GPHN: variants seen among roughly 807,000 people sequenced by gnomAD.
GPHN encodes the protein gephyrin.
A neutral mutation model predicts 95.5 loss-of-function variants in GPHN; 17 were observed. The observed-to-expected ratio is 0.18, with a 90% CI of 0.12 to 0.27. The LOEUF (loss-of-function observed/expected upper bound fraction) is 0.27, where lower values mean the gene tolerates loss of function less well. GPHN is among the 10% of genes least tolerant of loss of function. The probability of loss-of-function intolerance (pLI) is 1.00; values close to 1 mark genes in which losing one functional copy is unlikely to be tolerated. For missense variants in GPHN, 660 were observed against 978.1 expected, an observed-to-expected ratio of 0.67 and a Z score of 4.34; for synonymous variants, 320 against 322.5, an observed-to-expected ratio of 0.99 and a Z score of 0.08.
chr14:66,978,924 A>G (rs1039376350), intron 9 of GPHN, among the ~76,000 whole-genome samples: 1 of 152,242 alleles, frequency 6.6e-6, no homozygotes, highest in African/African-American at 2.4e-5. Context: ...ATTAGCAGGC[A>G]TGAAAACATT....
the GPHN span, among the ~76,000 whole-genome samples, chr14:67,494,356 A>G: frequency 6.6e-6 from 1 of 152,194 alleles, no homozygotes; most frequent in Non-Finnish European, 1.5e-5. Flanking sequence ...GAATTTAGAA[A>G]TGAGACCCAA....
chr14:67,506,837 A>G, the GPHN span, among the ~76,000 whole-genome samples: 1 of 152,158 alleles, frequency 6.6e-6, no homozygotes, highest in African/African-American at 2.4e-5. Context: ...TACAAAACTT[A>G]GCTGGGGGTG....
At chr14:67,635,932 A>C in the GPHN span, among the ~76,000 whole-genome samples, 1 of 152,130 alleles carries the variant, frequency 6.6e-6, no homozygotes, top group African/African-American at 2.4e-5. Flanking sequence ...AAAATATTTG[A>C]GTCTGTAACT....
At chr14:67,640,592 C>T in the GPHN span, among the ~76,000 whole-genome samples, 7 of 152,294 alleles carry the variant, frequency 4.6e-5, no homozygotes, top group South Asian at 4.1e-4. Flanking sequence ...TTAATCCGAA[C>T]CTTTAACACA....
chr14:66,652,851 G>A (rs989252078), intron 1 of GPHN, among the ~76,000 whole-genome samples: 5 of 152,092 alleles, frequency 3.3e-5, no homozygotes, highest in African/African-American at 7.2e-5. Context: ...AGGTAGAGCC[G>A]CTCAGAGCTA....
chr14:67,632,341 C>T, the GPHN span, among the ~76,000 whole-genome samples: 1 of 152,156 alleles, frequency 6.6e-6, no homozygotes, highest in Non-Finnish European at 1.5e-5. Context: ...TATCCATAAG[C>T]CAGCATCATC....
chr14:67,191,311 A>T, the GPHN span, among the ~76,000 whole-genome samples: 2 of 152,260 alleles, frequency 1.3e-5, no homozygotes, highest in African/African-American at 4.8e-5. Flanking sequence ...TGGTTTCACT[A>T]TAGAAATCTT....
chr14:66,612,359 C>T (rs1320580005), intron 1 of GPHN, among the ~76,000 whole-genome samples: 1 of 151,810 alleles, frequency 6.6e-6, no homozygotes, highest in Non-Finnish European at 1.5e-5. Context: ...CTCATCTCTC[C>T]TTCCCTCCCA....
the GPHN span, chr14:67,387,321 G>A: frequency 6.2e-7 from 1 of 1,608,490 alleles, no homozygotes; most frequent in African/African-American, 1.3e-5. Context: ...GGTTCCCTCA[G>A]GTCCTTGTCA....
intron 19 of GPHN, among the ~76,000 whole-genome samples, chr14:67,164,270 CAAAAAA>C (rs780524695): frequency 4.7e-4 from 22 of 46,640 alleles, no homozygotes; most frequent in East Asian, 3.0e-3. Flanking sequence ...ACTCCATCTC[CAAAAAA>C]AAAAAAAAAA....
At chr14:66,968,407 C>T (rs1021993695) in intron 9 of GPHN, among the ~76,000 whole-genome samples, 2 of 152,008 alleles carry the variant, frequency 1.3e-5, no homozygotes, top group Admixed American at 1.3e-4. Context: ...CTTATTTTTA[C>T]TGCATCTTGG....
chr14:66,825,201 T>C (rs2061346616), intron 4 of GPHN, among the ~76,000 whole-genome samples: 1 of 152,090 alleles, frequency 6.6e-6, no homozygotes, highest in African/African-American at 2.4e-5. Flanking sequence ...ATTTTTTCTT[T>C]AAGGAAGCCA....
chr14:66,718,178 G>A lies in GPHN; in HGVS notation c.143+36993G>A, dbSNP rs556225480. On this transcript the variant is annotated intron_variant, in intron 2 of 22. Transcript: ENST00000478722. ...CACTGACTTCAAGAATGAAGCTGTG[G>A]ACCCTCGCAGTGAGTGTTACAGTTC... 3.3e-5 allele frequency among the ~76,000 whole-genome samples: 5 copies of A among 152,266 alleles called. No homozygotes were observed. The East Asian group carries it at 9.7e-4, about 29-fold the overall frequency.
chr14:67,732,664 C>T, the GPHN span, among the ~76,000 whole-genome samples: 1 of 152,074 alleles, frequency 6.6e-6, no homozygotes, highest in East Asian at 1.9e-4. Flanking sequence ...GCAACCTCTG[C>T]CTCCTGGGTT....
intron 18 of GPHN, among the ~76,000 whole-genome samples, chr14:67,151,966 A>G (rs1285003023): frequency 6.6e-6 from 1 of 152,134 alleles, no homozygotes; most frequent in East Asian, 1.9e-4. Context: ...TAAGCCACTC[A>G]TAAAGTGTAC....
At chr14:67,698,780 T>C in the GPHN span, among the ~76,000 whole-genome samples, 1 of 152,210 alleles carries the variant, frequency 6.6e-6, no homozygotes, top group East Asian at 1.9e-4. Flanking sequence ...GTTGTAAATG[T>C]GAAAGCAGCC....
the GPHN span, chr14:67,690,488 A>C: frequency 7.5e-7 from 1 of 1,338,500 alleles, no homozygotes; most frequent in Admixed American, 1.7e-5. Flanking sequence ...CGTGGTGAGC[A>C]GGCCTCACCT....
intron 1 of GPHN, among the ~76,000 whole-genome samples, chr14:66,588,764 A>G (rs972728422): frequency 1.2e-4 from 18 of 152,210 alleles, no homozygotes; most frequent in African/African-American, 4.3e-4. Flanking sequence ...TGATTGGTGT[A>G]CCTGAAAGTG....
At chr14:66,592,776 T>G (rs1456543278) in intron 1 of GPHN, among the ~76,000 whole-genome samples, 2 of 152,234 alleles carry the variant, frequency 1.3e-5, no homozygotes, top group East Asian at 3.8e-4. Flanking sequence ...AAATACCACT[T>G]GACCCAGCAG....
Sources: allele counts gnomAD v4.1 joint callset (sites outside exome capture counted in the v4.1 genomes callset), GRCh38; gene constraint gnomAD v4.1.1; transcripts MANE v1.5; gene names NCBI Gene and HGNC (gene_info 2026-07-23, HGNC 2026-07-21).